The following HIPK3 variants were observed in gnomAD, a reference collection of about 807,000 sequenced individuals.
HIPK3 encodes homeodomain-interacting protein kinase 3.
In HIPK3, 47 loss-of-function variants were observed where a neutral mutation model predicts 124.2. That is an observed-to-expected ratio of 0.38 (90% CI 0.30 to 0.48). HIPK3 has a LOEUF of 0.48. Among genes scored for constraint, HIPK3 ranks in the 20% least tolerant of loss-of-function variants. The pLI is 0.98. For synonymous variants in HIPK3, 482 were observed against 515.2 expected, an observed-to-expected ratio of 0.94 and a Z score of 0.87; for missense variants, 1,286 against 1,454.3, an observed-to-expected ratio of 0.88 and a Z score of 1.88.
chr11:33,282,018 C>G (rs556167120), intron 1 of HIPK3, among the ~76,000 whole-genome samples: 35 of 152,210 alleles, frequency 2.3e-4, no homozygotes, highest in Non-Finnish European at 4.6e-4. Context: ...GTATGGTGTA[C>G]TGTTCTTCTA....
In HIPK3 at chr11:33,351,717, A is replaced by C; in HGVS notation, c.2917A>C (p.Thr973Pro). Residue 973 changes from threonine to proline, a missense_variant, in exon 15 of 17, where the codon ACT (threonine) becomes CCT (proline). Around this residue, in one of 3 missense-constraint regions of HIPK3, gnomAD observed 810 missense variants for 864.9 expected, o/e 0.94. Coordinates refer to ENST00000303296, the MANE Select transcript of HIPK3 (RefSeq NM_005734.5). Reference protein sequence around the residue: ...PFAESTFVEDTHENTELVSSA... With the variant: ...PFAESTFVEDPHENTELVSSA... The stretch of plus-strand genomic sequence containing the variant: ...TGCAGAGAGCACTTTTGTGGAGGAC[A>C]CTCATGAAAACACAGAATTGGTATC... 6.2e-7 allele frequency: 1 copy of C among 1,614,150 alleles called. No homozygotes were observed. Among genetic ancestry groups the C allele is most frequent in the Non-Finnish European group, 8.5e-7 (1 of 1,179,992 alleles).
intron 2 of HIPK3, among the ~76,000 whole-genome samples, chr11:33,310,262 GTCTGTCTGTCTGTCTA>G (rs1852285577): frequency 1.7e-5 from 1 of 57,404 alleles, no homozygotes; most frequent in East Asian, 5.6e-4. Flanking sequence ...CTGTCTGTCT[GTCTGTCTGTCTGTCTA>G]TCTTATCTAT....
rs56902582 is a variant in HIPK3 at position 33,281,058 on chromosome 11, C to CTTTTTTTTTTTTTT, written c.-2-5339_-2-5326dup. The stretch of plus-strand genomic sequence containing the variant: ...TTTATGTGTATATTTACTTATTTGA[C>CTTTTTTTTTTTTTT]TTTTTTTTTTTTTTTTTTTTTTTTT... On this transcript the variant is annotated intron_variant, in intron 1 of 16. Coordinates refer to ENST00000303296, the MANE Select transcript of HIPK3 (RefSeq NM_005734.5). 4.1e-4 allele frequency among the ~76,000 whole-genome samples: 46 copies of CTTTTTTTTTTTTTT among 111,798 alleles called. 5 individuals carry two copies. Among genetic ancestry groups the CTTTTTTTTTTTTTT allele is most frequent in the South Asian group, 1.5e-3 (5 of 3,276 alleles). 73.3% of individuals were successfully genotyped at this position (111,798 alleles called of 152,430 possible).
intron 6 of HIPK3, 84 bp downstream of exon 6, chr11:33,339,618 T>A (rs941229549): frequency 6.9e-6 from 7 of 1,009,024 alleles, no homozygotes; most frequent in Non-Finnish European, 1.0e-5. Flanking sequence ...ATTACTTTTC[T>A]TCATTAAACA....
chr11:33,352,716 A>T (rs776913461), intron 16 of HIPK3, among the ~76,000 whole-genome samples: 1 of 152,152 alleles, frequency 6.6e-6, no homozygotes, highest in Non-Finnish European at 1.5e-5. Flanking sequence ...AGCACAGTTA[A>T]TGGGAATCGT....
chr11:33,258,900 G>A (rs550820629), intron 1 of HIPK3, among the ~76,000 whole-genome samples: 4 of 152,118 alleles, frequency 2.6e-5, no homozygotes, highest in African/African-American at 7.2e-5. Context: ...ATAATAAGGG[G>A]CTTCTATTAG....
At chr11:33,270,883 A>G (rs1851107092) in intron 1 of HIPK3, among the ~76,000 whole-genome samples, 1 of 152,150 alleles carries the variant, frequency 6.6e-6, no homozygotes, top group Non-Finnish European at 1.5e-5. Flanking sequence ...TAAGCATATG[A>G]TAAAACATTT....
rs1377655137 is a variant in HIPK3 at position 33,338,925 on chromosome 11, A to G, written c.1428+82A>G. ...CCAAGGGGCCCAAAACATGTTACTC[A>G]GTTTTTAAATGGCTACAGAGTCCAT... On this transcript the variant is annotated intron_variant, in intron 5 of 16. Coordinates refer to ENST00000303296, the MANE Select transcript of HIPK3 (RefSeq NM_005734.5). The G allele has an allele frequency of 1.4e-5, 13 of 902,356 alleles. No homozygotes were observed. In the East Asian group the frequency reaches 3.3e-4, roughly 23 times the overall value. The allele number at this position is 902,356 out of a possible 1,614,324, so 55.9% of individuals were successfully genotyped here.
intron 2 of HIPK3, among the ~76,000 whole-genome samples, chr11:33,326,123 T>C (rs1486503308): frequency 2.6e-5 from 4 of 152,196 alleles, no homozygotes; most frequent in African/African-American, 9.6e-5. Flanking sequence ...AGCTTGTTCA[T>C]TATCCTCTGA....
At position 33,353,412 on chromosome 11, in the gene HIPK3, C is replaced by A. The variant is rs746665719; in HGVS notation, c.3492C>A (p.Val1164=). The change falls in exon 17 of 17, where the codon GTC becomes GTA. Residue 1164 remains valine, a synonymous_variant. Coordinates refer to ENST00000303296, the MANE Select transcript of HIPK3 (RefSeq NM_005734.5). ...ISHPSGIVHQ[V]PVGLNPRLLP... ...ATCCCAGTGGCATAGTTCACCAAGT[C>A]CCAGTGGGCTTAAATCCCCGTCTGT... The A allele has an allele frequency of 5.0e-6, 8 of 1,613,976 alleles. No homozygotes were observed. In the Admixed American group the frequency reaches 1.3e-4, roughly 27 times the overall value.
At position 33,286,764 on chromosome 11, in the gene HIPK3, A is replaced by C; in HGVS notation, c.350A>C (p.His117Pro). ...PQIGAWRNRL[H>P]FLEGPQRCGL... ...ATTGGGGCGTGGCGAAACAGATTGCATTTCCTAGAAGGCCCCCAGCGATGT... is the reference window on the plus strand; with the variant it reads ...ATTGGGGCGTGGCGAAACAGATTGCCTTTCCTAGAAGGCCCCCAGCGATGT... The change falls in exon 2 of 17, where the codon CAT becomes CCT. Residue 117 changes from histidine (H) to proline (P), a missense_variant. His to Pro is a moderately conservative substitution (Grantham distance 77). Around this residue, in one of 3 missense-constraint regions of HIPK3, gnomAD observed 225 missense variants for 240.3 expected, o/e 0.94. Transcript: ENST00000303296. The C allele has an allele frequency of 6.2e-7, 1 of 1,614,098 alleles. No homozygotes were observed. Among genetic ancestry groups the C allele is most frequent in the Non-Finnish European group, 8.5e-7 (1 of 1,180,034 alleles).
chr11:33,258,046 C>T (rs1329112475), intron 1 of HIPK3, among the ~76,000 whole-genome samples, 157 bp downstream of exon 1: 3 of 22,868 alleles, frequency 1.3e-4, no homozygotes, highest in Non-Finnish European at 4.1e-4. Flanking sequence ...CCATCCGCAT[C>T]CCCAGCGCTC....
intron 2 of HIPK3, among the ~76,000 whole-genome samples, chr11:33,312,133 T>C (rs1852368440): frequency 1.3e-5 from 2 of 152,228 alleles, no homozygotes; most frequent in African/African-American, 4.8e-5. Flanking sequence ...AAGCTCCAAC[T>C]ACAGATGTGC....
At chr11:33,302,099 T>C (rs186422800) in intron 2 of HIPK3, among the ~76,000 whole-genome samples, 1 of 152,154 alleles carries the variant, frequency 6.6e-6, no homozygotes, top group African/African-American at 2.4e-5. Context: ...AATCTAGATA[T>C]CTAAAGTGTT....
chr11:33,316,649 A>G (rs1199871593), intron 2 of HIPK3, among the ~76,000 whole-genome samples: 5 of 152,034 alleles, frequency 3.3e-5, no homozygotes, highest in African/African-American at 7.2e-5. Context: ...TAGCAAGACC[A>G]TGTCTCTACA....
intron 1 of HIPK3, among the ~76,000 whole-genome samples, chr11:33,269,935 C>T (rs926504730): frequency 1.3e-5 from 2 of 152,054 alleles, no homozygotes; most frequent in African/African-American, 4.8e-5. Flanking sequence ...ATCTAGCATC[C>T]TCATTTCTAT....
intron 1 of HIPK3, among the ~76,000 whole-genome samples, chr11:33,274,989 G>A (rs1851233233): frequency 6.6e-6 from 1 of 152,088 alleles, no homozygotes. Flanking sequence ...AGCAGGTTTA[G>A]TTTATTAAGT....
At chr11:33,332,043 G>A (rs554090247) in intron 3 of HIPK3, among the ~76,000 whole-genome samples, 1 of 152,136 alleles carries the variant, frequency 6.6e-6, no homozygotes, top group Non-Finnish European at 1.5e-5. Flanking sequence ...ACAGGCACGA[G>A]CCACCGCGCC....
At chr11:33,276,612 TG>T (rs1851277408) in intron 1 of HIPK3, among the ~76,000 whole-genome samples, 1 of 152,230 alleles carries the variant, frequency 6.6e-6, no homozygotes, top group Admixed American at 6.5e-5. Flanking sequence ...CAAATTGGTA[TG>T]GTTACCAACT....
Sources: gnomAD v4.1 joint callset for allele counts (sites outside exome capture counted in the v4.1 genomes callset) on GRCh38, gnomAD v4.1.1 for gene constraint, gnomAD v4.1.1 regional missense constraint, MANE v1.5 for transcripts, NCBI Gene and HGNC (gene_info 2026-07-23, HGNC 2026-07-21) for gene names.